GALNT16: variants seen among roughly 807,000 people sequenced by gnomAD.
GALNT16 encodes polypeptide N-acetylgalactosaminyltransferase 16.
A neutral mutation model predicts 76.1 loss-of-function variants in GALNT16; 40 were observed. The observed-to-expected ratio is 0.53, with a 90% CI of 0.41 to 0.68. The LOEUF (loss-of-function observed/expected upper bound fraction) is 0.68, where lower values mean the gene tolerates loss of function less well. GALNT16 is among the 30% of genes least tolerant of loss of function. The pLI, the probability that GALNT16 is intolerant of heterozygous loss-of-function variation, is 0.00. For synonymous variants in GALNT16, 276 were observed against 285.2 expected (o/e 0.97, Z 0.32); for missense variants, 621 against 731.9 (o/e 0.85, Z 1.75).
chr14:69,272,897 G>A (rs1004954629), intron 1 of GALNT16, among the ~76,000 whole-genome samples: 3 of 152,212 alleles, frequency 2.0e-5, no homozygotes, highest in African/African-American at 7.2e-5. Context: ...TGTGCTGGAG[G>A]TTATACCATC....
chr14:69,292,888 C>T (rs1031455274), intron 1 of GALNT16, among the ~76,000 whole-genome samples: 5 of 152,224 alleles, frequency 3.3e-5, no homozygotes, highest in South Asian at 2.1e-4. Flanking sequence ...GAGCACAAGA[C>T]CTTTTGTTAA....
At chr14:69,290,363 C>T (rs1350324312) in intron 1 of GALNT16, among the ~76,000 whole-genome samples, 4 of 152,094 alleles carry the variant, frequency 2.6e-5, no homozygotes, top group Non-Finnish European at 5.9e-5. Context: ...AACAGGAAGG[C>T]GGGGGAAGAA....
At chr14:69,351,211 A>T (rs1266878606) in intron 14 of GALNT16, 2 of 152,232 alleles carry the variant, frequency 1.3e-5, no homozygotes, top group African/African-American at 4.8e-5. Flanking sequence ...TACAGAAATA[A>T]AAGATTTACC....
chr14:69,311,716 C>G (rs1490316003), intron 1 of GALNT16, among the ~76,000 whole-genome samples: 1 of 152,196 alleles, frequency 6.6e-6, no homozygotes, highest in East Asian at 1.9e-4. Context: ...TTGGCTCTCT[C>G]TTCTGAAAAG....
rs768663748 is a variant in GALNT16 at position 69,338,667 on chromosome 14, G to A, written c.984G>A (p.Val328=). ...TTCCTGCAGAGCTCTCCTTCAGGGT[G>A]TGGATGTGTGGTGGCAGTCTGGAGA... The part of the protein sequence containing the change: ...GGENFELSFR[V]WMCGGSLEIV... Residue 328 remains valine (V), a synonymous_variant, in exon 10 of 15, where the codon GTG becomes GTA. Transcript: ENST00000448469. The A allele has an allele frequency of 7.4e-6, 12 of 1,614,018 alleles. No individual in the cohort carries two copies. In the East Asian group the frequency reaches 2.0e-4, roughly 27 times the overall value.
intron 1 of GALNT16, among the ~76,000 whole-genome samples, chr14:69,271,591 G>A (rs1483556595): frequency 2.0e-5 from 3 of 152,198 alleles, no homozygotes; most frequent in Non-Finnish European, 4.4e-5. Flanking sequence ...GCCGGCCACA[G>A]GTGGCCACCG....
chr14:69,279,370 T>C (rs1342610327), intron 1 of GALNT16, among the ~76,000 whole-genome samples: 1 of 152,242 alleles, frequency 6.6e-6, no homozygotes, highest in African/African-American at 2.4e-5. Context: ...CTGAGGTGAG[T>C]GCCTCACTTG....
At chr14:69,285,385 T>A (rs1020406752) in intron 1 of GALNT16, among the ~76,000 whole-genome samples, 1 of 152,090 alleles carries the variant, frequency 6.6e-6, no homozygotes, top group Non-Finnish European at 1.5e-5. Context: ...AAGTGCCTGC[T>A]GTGGGAATAG....
At chr14:69,270,658 A>G (rs1170365445) in intron 1 of GALNT16, among the ~76,000 whole-genome samples, 1 of 152,208 alleles carries the variant, frequency 6.6e-6, no homozygotes, top group Admixed American at 6.5e-5. Context: ...TTGCTGGATC[A>G]GCGGTCCGTT....
chr14:69,336,445 T>C (rs1454943255), intron 9 of GALNT16, among the ~76,000 whole-genome samples: 3 of 152,226 alleles, frequency 2.0e-5, no homozygotes, highest in Non-Finnish European at 4.4e-5. Flanking sequence ...AGCTGTGCTG[T>C]TGCCTCTAGG....
chr14:69,380,156 A>G, the GALNT16 span: 1 of 161,490 alleles, frequency 6.2e-6, no homozygotes. Context: ...ATTTATTTTT[A>G]CCAAGACTTT....
At chr14:69,293,968 G>A (rs2044720280) in intron 1 of GALNT16, among the ~76,000 whole-genome samples, 1 of 151,830 alleles carries the variant, frequency 6.6e-6, no homozygotes, top group Non-Finnish European at 1.5e-5. Flanking sequence ...TCGGCTCACT[G>A]CAACCTCTGC....
chr14:69,269,232 G>A (rs916812591), intron 1 of GALNT16, among the ~76,000 whole-genome samples: 2 of 152,098 alleles, frequency 1.3e-5, no homozygotes, highest in Admixed American at 6.6e-5. Flanking sequence ...CTGTGTCTTG[G>A]AACACTTCAT....
At chr14:69,366,975 T>C in the GALNT16 span, among the ~76,000 whole-genome samples, 2 of 151,986 alleles carry the variant, frequency 1.3e-5, no homozygotes, top group African/African-American at 4.8e-5. Context: ...TTCCTGGAGG[T>C]GGTGACGCCT....
At chr14:69,350,354 A>G (rs2045619107) in intron 14 of GALNT16, 3 of 152,244 alleles carry the variant, frequency 2.0e-5, no homozygotes, top group Non-Finnish European at 2.9e-5. Context: ...AAGACACTAT[A>G]TTACAGAAGG....
Position 69,339,590 on chromosome 14 carries a change from G to T in GALNT16, c.1158G>T (p.Arg386=), listed in dbSNP as rs772992585. ...DEYKQYYYEA[R]PSAIGKAFGS... ...ACAAGCAATACTACTATGAGGCCCG[G>T]CCCTCGGCCATCGGGAAGGCCTTCG... Residue 386 remains arginine, a synonymous_variant, in exon 11 of 15, where the codon CGG becomes CGT. Transcript: ENST00000448469. 3.7e-6 allele frequency: 6 copies of T among 1,610,060 alleles called. No individual in the cohort carries two copies. Among genetic ancestry groups the T allele is most frequent in the Middle Eastern group, 3.3e-4 (2 of 6,046 alleles).
intron 2 of GALNT16, among the ~76,000 whole-genome samples, chr14:69,322,979 T>TGCGCGC (rs759883041): frequency 6.3e-5 from 2 of 31,744 alleles, no homozygotes; most frequent in South Asian, 1.7e-3. Context: ...TGTGTGTGTG[T>TGCGCGC]GTGCGCGCGC....
chr14:69,344,478 T>C (rs1285000417), intron 12 of GALNT16, among the ~76,000 whole-genome samples: 8 of 152,154 alleles, frequency 5.3e-5, no homozygotes, highest in Non-Finnish European at 1.2e-4. Flanking sequence ...AAGAGACCCA[T>C]AGAGAAGGAA....
At chr14:69,315,823 TGTAG>T (rs1033229940) in intron 1 of GALNT16, among the ~76,000 whole-genome samples, 4 of 152,076 alleles carry the variant, frequency 2.6e-5, no homozygotes, top group South Asian at 2.1e-4. Flanking sequence ...AAAAAAAATA[TGTAG>T]GTAGGTAGGT....
Sources: allele counts gnomAD v4.1 joint callset (sites outside exome capture counted in the v4.1 genomes callset), GRCh38; gene constraint gnomAD v4.1.1; transcripts MANE v1.5; gene names NCBI Gene and HGNC (gene_info 2026-07-23, HGNC 2026-07-21).